SMYD3: variants seen among roughly 807,000 people sequenced by gnomAD.
The protein encoded by SMYD3 is SET and MYND domain containing 3, also known as histone-lysine N-methyltransferase SMYD3.
SMYD3 carries 36 observed loss-of-function variants against 57.7 expected under a neutral mutation model. That is an observed-to-expected ratio of 0.62 (90% confidence interval 0.48 to 0.82). The LOEUF is 0.82. Ranked by LOEUF, SMYD3 falls within the 40% of genes least tolerant of loss-of-function variation. SMYD3 has a pLI of 0.00. For missense variants in SMYD3, 515 were observed against 538.8 expected, an observed-to-expected ratio of 0.96 and a Z score of 0.44; for synonymous variants, 211 against 195.0, an observed-to-expected ratio of 1.08 and a Z score of -0.68.
At chr1:245,986,386 C>T (rs542727050) in intron 5 of SMYD3, among the ~76,000 whole-genome samples, 66 of 152,292 alleles carry the variant, frequency 4.3e-4, no homozygotes, top group Middle Eastern at 3.4e-3. Context: ...TTGTTCTCTA[C>T]CATTTCAGTA....
intron 10 of SMYD3, among the ~76,000 whole-genome samples, chr1:245,793,076 C>T (rs183686931): frequency 3.3e-3 from 179 of 53,494 alleles, no homozygotes; most frequent in Middle Eastern, 0.013. Context: ...TTTGGGAGGC[C>T]GAGGCGGGTG....
At chr1:246,235,309 G>T (rs10924582) in intron 5 of SMYD3, among the ~76,000 whole-genome samples, 12,873 of 152,152 alleles carry the variant, frequency 0.085, 727 homozygotes, top group East Asian at 0.21. Flanking sequence ...TGAAGAATTA[G>T]TCTCAATTTC....
intron 1 of SMYD3, among the ~76,000 whole-genome samples, chr1:246,389,822 T>G (rs936863246): frequency 6.7e-6 from 1 of 150,106 alleles, no homozygotes; most frequent in African/African-American, 2.5e-5. Flanking sequence ...TCTGGGGACC[T>G]CCTTGTAGAA....
chr1:246,148,057 C>G (rs2061882335), intron 5 of SMYD3, among the ~76,000 whole-genome samples: 1 of 145,520 alleles, frequency 6.9e-6, no homozygotes, highest in African/African-American at 2.7e-5. Flanking sequence ...TGGAAGGCGG[C>G]AGTCCCCGTA....
chr1:246,381,445 C>T (rs1350678955), intron 1 of SMYD3, among the ~76,000 whole-genome samples: 2 of 152,130 alleles, frequency 1.3e-5, no homozygotes, highest in African/African-American at 2.4e-5. Context: ...GAAACAGAGG[C>T]GAACAGAGAC....
At chr1:246,141,052 G>A (rs1369410026) in intron 5 of SMYD3, among the ~76,000 whole-genome samples, 7 of 152,180 alleles carry the variant, frequency 4.6e-5, no homozygotes, top group Non-Finnish European at 8.8e-5. Context: ...AAGTGGGCAG[G>A]CTTCATTCAG....
At chr1:246,413,522 C>T (rs1350367912) in intron 1 of SMYD3, among the ~76,000 whole-genome samples, 2 of 152,100 alleles carry the variant, frequency 1.3e-5, no homozygotes, top group Admixed American at 6.6e-5. Flanking sequence ...AAATCTCACG[C>T]TGAATTGTAA....
chr1:246,212,585 C>T (rs560115747), intron 5 of SMYD3, among the ~76,000 whole-genome samples: 10 of 151,876 alleles, frequency 6.6e-5, no homozygotes, highest in Middle Eastern at 3.4e-3. Context: ...ATTTGGTCAC[C>T]GAAAAATGTC....
At chr1:246,198,008 T>C (rs1349052903) in intron 5 of SMYD3, among the ~76,000 whole-genome samples, 1 of 152,244 alleles carries the variant, frequency 6.6e-6, no homozygotes, top group East Asian at 1.9e-4. Flanking sequence ...CTGAATCCCG[T>C]TCCCCTGTCT....
chr1:246,267,472 G>T (rs1482213266), intron 5 of SMYD3, among the ~76,000 whole-genome samples: 1 of 152,106 alleles, frequency 6.6e-6, no homozygotes, highest in Non-Finnish European at 1.5e-5. Context: ...TGAACACTTT[G>T]GGGAAACATT....
intron 5 of SMYD3, chr1:245,947,513 A>G (rs2057465222): frequency 1.4e-5 from 6 of 434,870 alleles, no homozygotes; most frequent in Non-Finnish European, 2.8e-5. Flanking sequence ...TATGTGGGGT[A>G]AAATGTGTTA....
chr1:246,263,025 G>A (rs866607083), intron 5 of SMYD3, among the ~76,000 whole-genome samples: 16 of 152,212 alleles, frequency 1.1e-4, no homozygotes, highest in African/African-American at 3.4e-4. Flanking sequence ...TCAAGAATGC[G>A]TGATTTGAAT....
intron 5 of SMYD3, among the ~76,000 whole-genome samples, chr1:246,325,205 A>G (rs71533478): frequency 0.13 from 35 of 260 alleles, 11 homozygotes; most frequent in East Asian, 0.5. Flanking sequence ...GAAGGAGGGA[A>G]AAGGAGTCGG....
intron 5 of SMYD3, among the ~76,000 whole-genome samples, chr1:246,170,256 A>G (rs1447627195): frequency 6.6e-6 from 1 of 152,086 alleles, no homozygotes; most frequent in Non-Finnish European, 1.5e-5. Context: ...CTCAATTAAA[A>G]ATATCAGAAT....
At chr1:246,155,726 T>C (rs905021283) in intron 5 of SMYD3, among the ~76,000 whole-genome samples, 1 of 152,180 alleles carries the variant, frequency 6.6e-6, no homozygotes, top group African/African-American at 2.4e-5. Context: ...GTGCCTGTAA[T>C]CCCGGCACTT....
chr1:246,360,923 C>T lies in SMYD3; in HGVS notation c.165-5829G>A, dbSNP rs562419552. ...TCATAACAAAGAACCCAAAAGCAAA[C>T]GCAACAAAAGCAAACATAAATAGAT... On this transcript the variant is annotated intron_variant, in intron 1 of 11. Coordinates refer to ENST00000490107, the MANE Select transcript of SMYD3 (RefSeq NM_001167740.2). Among the ~76,000 whole-genome samples the T allele has an allele frequency of 1.6e-4, 24 of 152,152 alleles. 1 individual carries two copies. The highest frequency in any genetic ancestry group is 4.8e-4 in the African/African-American group (20 of 41,550).
chr1:245,954,989 C>A (rs1007611795), intron 5 of SMYD3, among the ~76,000 whole-genome samples: 1 of 152,202 alleles, frequency 6.6e-6, no homozygotes, highest in Non-Finnish European at 1.5e-5. Context: ...TGACATCAAA[C>A]GCCCCCTATA....
At chr1:245,765,078 A>ACACAAAAAAAAAAAAAAAAAAC (rs1553315995) in intron 10 of SMYD3, among the ~76,000 whole-genome samples, 1 of 139,532 alleles carries the variant, frequency 7.2e-6, no homozygotes, top group African/African-American at 2.8e-5. Context: ...ACACACACAC[A>ACACAAAAAAAAAAAAAAAAAAC]AAACCACAGT....
At chr1:246,256,775 ATCTT>A (rs138668187) in intron 5 of SMYD3, among the ~76,000 whole-genome samples, 31,473 of 151,796 alleles carry the variant, frequency 0.21, 3,954 homozygotes, top group East Asian at 0.58. Context: ...TTAAATTGGG[ATCTT>A]TCTAACTTCC....
Sources: allele counts gnomAD v4.1 joint callset (sites outside exome capture counted in the v4.1 genomes callset), GRCh38; gene constraint gnomAD v4.1.1; transcripts MANE v1.5; gene names NCBI Gene and HGNC (gene_info 2026-07-23, HGNC 2026-07-21).